FOXK1: variants seen among roughly 807,000 people sequenced by gnomAD.
FOXK1 encodes the protein forkhead box protein K1.
Under a neutral mutation model 51.9 loss-of-function variants are expected in FOXK1, and 19 were observed. That is an observed-to-expected ratio of 0.37 (90% CI 0.26 to 0.54). The LOEUF is 0.54. FOXK1 is among the 20% of genes least tolerant of loss of function. The probability of loss-of-function intolerance (pLI) is 0.87; values close to 1 mark genes in which losing one functional copy is unlikely to be tolerated. For synonymous variants in FOXK1, 537 were observed against 482.6 expected (o/e 1.11, Z -1.48); for missense variants, 870 against 1,032.7 (o/e 0.84, Z 2.16).
intron 7 of FOXK1, chr7:4,759,862 C>A: frequency 1.8e-6 from 1 of 554,810 alleles, no homozygotes; most frequent in South Asian, 2.3e-5. Context: ...GAAACCCCGT[C>A]TCTACTGAAA....
In FOXK1 at chr7:4,709,063, C is replaced by CAAAA. The variant is rs111595744; in HGVS notation, c.560+26208_560+26211dup. Among the ~76,000 whole-genome samples the CAAAA allele has an allele frequency of 1.5e-5, 1 of 65,136 alleles. No individual in the cohort carries two copies. The highest frequency in any genetic ancestry group is 4.6e-5 in the African/African-American group (1 of 21,668). 42.7% of individuals were successfully genotyped at this position (65,136 alleles called of 152,430 possible). A position where few individuals can be genotyped will look rare whatever the true frequency, so the allele number is the denominator to read the frequency against. On this transcript the variant is annotated intron_variant, in intron 1 of 8. Transcript: ENST00000328914. The surrounding 1 kb of genome is among the most constrained non-coding windows in gnomAD (Gnocchi z 5.6). Reference sequence around the variant, plus strand: ...CTGGGCAATGAGCGAGACTCTGTCTCAAAAAAAAAAAAAAAAGAAAAGAAA... The same window carrying CAAAA: ...CTGGGCAATGAGCGAGACTCTGTCTCAAAAAAAAAAAAAAAAAAAAGAAAAGAAA...
At position 4,765,287 on chromosome 7, in the gene FOXK1, G is replaced by C. The variant is rs1780995002; in HGVS notation, c.*2823G>C. The C allele has an allele frequency of 6.6e-6, 1 of 152,280 alleles. No homozygotes were observed. The highest frequency in any genetic ancestry group is 6.5e-5 in the Admixed American group (1 of 15,290). The allele number at this position is 152,280 out of a possible 1,614,324, so 9.4% of individuals were successfully genotyped here. ...GTAGCCAGAGGCCCAGGAAGGGACA[G>C]GGCCCAAAAGGGTTGCATGTCCCGG... On this transcript the variant is annotated 3_prime_UTR_variant, in exon 9 of 9. Transcript: ENST00000328914.
intron 1 of FOXK1, 97 bp from the exon 2 acceptor site, chr7:4,740,741 C>G (rs1780622436): frequency 3.2e-6 from 4 of 1,250,614 alleles, no homozygotes; most frequent in Non-Finnish European, 4.4e-6. Flanking sequence ...GAGTTACGGT[C>G]CAGTTACTTA....
intron 7 of FOXK1, among the ~76,000 whole-genome samples, chr7:4,760,434 G>A (rs1020015821): frequency 2.0e-5 from 3 of 152,194 alleles, no homozygotes; most frequent in Non-Finnish European, 2.9e-5. Flanking sequence ...CAATGCTGCC[G>A]TAATGAAACT....
At chr7:4,738,987 G>C (rs553344499) in intron 1 of FOXK1, among the ~76,000 whole-genome samples, 83 of 152,304 alleles carry the variant, frequency 5.4e-4, no homozygotes, top group African/African-American at 2.0e-3. Flanking sequence ...CGACAGCCAG[G>C]CACCCTTCGT....
rs771157780 is a variant in FOXK1, at chr7:4,762,290, C to T, written c.2028C>T (p.Val676=). Residue 676 remains valine (V), a synonymous_variant, in exon 9 of 9, where the codon GTC becomes GTT. Coordinates refer to ENST00000328914, the MANE Select transcript of FOXK1 (RefSeq NM_001037165.2). This position sits in a 1 kb window ranked among gnomAD's most constrained non-coding sequence, Gnocchi z 5.7. ...GGCCCAAGGAGCCAGCAGCAGCCGTCGCGGCCACGGCCACCACCACCCCAG... is the reference window on the plus strand; with the variant it reads ...GGCCCAAGGAGCCAGCAGCAGCCGTTGCGGCCACGGCCACCACCACCCCAG... The part of the protein sequence containing the change: ...EVGPKEPAAA[V]AATATTTPAT... 33 of 1,550,274 alleles carry T rather than the reference C, an allele frequency of 2.1e-5. No homozygotes were observed. In the Admixed American group the frequency reaches 4.7e-4, roughly 22 times the overall value.
At chr7:4,685,741 A>G (rs575443722) in intron 1 of FOXK1, among the ~76,000 whole-genome samples, 1 of 151,968 alleles carries the variant, frequency 6.6e-6, no homozygotes, top group African/African-American at 2.4e-5. Flanking sequence ...TCAGGAGTTC[A>G]AGACCACCCT....
In FOXK1 at chr7:4,735,324, G is replaced by C. The variant is rs991160027; in HGVS notation, c.561-5514G>C. On this transcript the variant is annotated intron_variant, in intron 1 of 8. Transcript: ENST00000328914. This position sits in a 1 kb window ranked among gnomAD's most constrained non-coding sequence, Gnocchi z 4.7. ...GTAGACCCTCAGTGTGGGAGCTTTT[G>C]GGCAAGAATTCTCCCCAAAAACAGC... Among the ~76,000 whole-genome samples the C allele has an allele frequency of 6.6e-6, 1 of 152,276 alleles. No individual in the cohort carries two copies. Among genetic ancestry groups the C allele is most frequent in the South Asian group, 2.1e-4 (1 of 4,824 alleles).
chr7:4,739,679 G>T (rs913374062), intron 1 of FOXK1, among the ~76,000 whole-genome samples: 3 of 152,212 alleles, frequency 2.0e-5, no homozygotes, highest in African/African-American at 7.2e-5. Flanking sequence ...TGATCGTGAA[G>T]CCGGTCCATT....
rs1184356581 is a variant in FOXK1, at chr7:4,749,450, C to G, written c.747-5009C>G. ...CTGGGGCAGGGACCCCAAGCGTCCT[C>G]CTCTGCAGGGAGGTTCCCCCAGGAG... On this transcript the variant is annotated intron_variant, in intron 2 of 8. Coordinates refer to ENST00000328914, the MANE Select transcript of FOXK1 (RefSeq NM_001037165.2). The surrounding 1 kb of genome is among the most constrained non-coding windows in gnomAD (Gnocchi z 6.0). Among the ~76,000 whole-genome samples, 2 of 152,198 alleles carry G rather than the reference C, an allele frequency of 1.3e-5. No homozygotes were observed. Among genetic ancestry groups the G allele is most frequent in the African/African-American group, 4.8e-5 (2 of 41,452 alleles).
In FOXK1 at chr7:4,755,215, C is replaced by T. The variant is rs780318463; in HGVS notation, c.904-22C>T. 49 of 1,612,038 alleles carry T rather than the reference C, an allele frequency of 3.0e-5. 1 individual carries two copies. The highest frequency in any genetic ancestry group is 2.4e-4 in the South Asian group (22 of 91,002). On this transcript the variant is annotated intron_variant, in intron 3 of 8. Transcript: ENST00000328914. This position sits in a 1 kb window ranked among gnomAD's most constrained non-coding sequence, Gnocchi z 6.6. ...TCAGGGACCTTGCTGGAGCTCATCCCGTGAGCCGTGTTTCTCCGCAGGATG... is the reference window on the plus strand; with the variant it reads ...TCAGGGACCTTGCTGGAGCTCATCCTGTGAGCCGTGTTTCTCCGCAGGATG...
intron 1 of FOXK1, among the ~76,000 whole-genome samples, chr7:4,713,336 C>T (rs1049712738): frequency 1.3e-5 from 2 of 152,158 alleles, no homozygotes; most frequent in African/African-American, 4.8e-5. Context: ...CTGAGATTCC[C>T]GCTCACTGGG....
chr7:4,711,560 G>A lies in FOXK1; in HGVS notation c.560+28692G>A, dbSNP rs1242389508. On this transcript the variant is annotated intron_variant, in intron 1 of 8. Coordinates refer to ENST00000328914, the MANE Select transcript of FOXK1 (RefSeq NM_001037165.2). The surrounding 1 kb of genome is among the most constrained non-coding windows in gnomAD (Gnocchi z 6.3). ...ACTGGAGAACTGGCAGAAGCTCCTA[G>A]AGCAGTTGGATGGGGAGATCAGAGT... Among the ~76,000 whole-genome samples, 2 of 152,352 alleles carry A rather than the reference G, an allele frequency of 1.3e-5. No individual in the cohort carries two copies. The highest frequency in any genetic ancestry group is 2.9e-5 in the Non-Finnish European group (2 of 68,038).
In FOXK1 at chr7:4,717,153, G is replaced by A. The variant is rs530868185; in HGVS notation, c.561-23685G>A. On this transcript the variant is annotated intron_variant, in intron 1 of 8. Transcript: ENST00000328914. ...TGGCTGGAAGGTGGTAGCGGGAGGCGTGTGGATGGAAGGTGATGGTGGGAG... is the reference window on the plus strand; with the variant it reads ...TGGCTGGAAGGTGGTAGCGGGAGGCATGTGGATGGAAGGTGATGGTGGGAG... Among the ~76,000 whole-genome samples, 192 of 149,394 alleles carry A rather than the reference G, an allele frequency of 1.3e-3. 2 individuals are homozygous for A. The highest frequency in any genetic ancestry group is 3.7e-3 in the African/African-American group (151 of 40,564).
chr7:4,750,599 C>T (rs911053784), intron 2 of FOXK1, among the ~76,000 whole-genome samples: 12 of 152,048 alleles, frequency 7.9e-5, no homozygotes, highest in Middle Eastern at 3.4e-3. Flanking sequence ...CCCGCCACCA[C>T]ACCCAGCTAA....
At chr7:4,704,792 C>T (rs780934959) in intron 1 of FOXK1, among the ~76,000 whole-genome samples, 2 of 151,234 alleles carry the variant, frequency 1.3e-5, no homozygotes, top group Non-Finnish European at 1.5e-5. Flanking sequence ...GTCTCAAACT[C>T]CTGGCCTCGA....
At position 4,765,004 on chromosome 7, in the gene FOXK1, C is replaced by A; in HGVS notation, c.*2540C>A. Reference sequence around the variant, plus strand: ...GTGGATGGAGCCGGGAGGTGGCGAGCACAGGACCCCGGGGCTGCATTCTGC... The same window carrying A: ...GTGGATGGAGCCGGGAGGTGGCGAGAACAGGACCCCGGGGCTGCATTCTGC... On this transcript the variant is annotated 3_prime_UTR_variant, in exon 9 of 9. Coordinates refer to ENST00000328914, the MANE Select transcript of FOXK1 (RefSeq NM_001037165.2). The A allele has an allele frequency of 6.6e-6, 1 of 152,596 alleles. No homozygotes were observed. The highest frequency in any genetic ancestry group is 1.5e-5 in the Non-Finnish European group (1 of 68,250). The allele number at this position is 152,596 out of a possible 1,614,324, so 9.5% of individuals were successfully genotyped here. A position where few individuals can be genotyped will look rare whatever the true frequency, so the allele number is the denominator to read the frequency against.
chr7:4,731,562 C>G lies in FOXK1; in HGVS notation c.561-9276C>G, dbSNP rs561092077. Among the ~76,000 whole-genome samples the G allele has an allele frequency of 2.6e-5, 4 of 152,220 alleles. 1 individual carries two copies. The South Asian group carries it at 8.3e-4, about 32-fold the overall frequency. ...ATCACCTGAGGTCAGGAGTTCAAGACCAGCCTGGCCAACATGGTGAAACCC... is the reference window on the plus strand; with the variant it reads ...ATCACCTGAGGTCAGGAGTTCAAGAGCAGCCTGGCCAACATGGTGAAACCC... On this transcript the variant is annotated intron_variant, in intron 1 of 8. Transcript: ENST00000328914. The surrounding 1 kb of genome is among the most constrained non-coding windows in gnomAD (Gnocchi z 5.3).
chr7:4,701,607 A>T (rs1780021944), intron 1 of FOXK1, among the ~76,000 whole-genome samples: 1 of 152,072 alleles, frequency 6.6e-6, no homozygotes, highest in Admixed American at 6.6e-5. Flanking sequence ...AATAAAAAGT[A>T]AAAGGCCAGG....
Sources: allele counts gnomAD v4.1 joint callset (sites outside exome capture counted in the v4.1 genomes callset), GRCh38; gene constraint gnomAD v4.1.1; non-coding constraint Gnocchi (gnomAD v3.1); transcripts MANE v1.5; gene names NCBI Gene and HGNC (gene_info 2026-07-23, HGNC 2026-07-21).